HDHD2: variants seen among roughly 807,000 people sequenced by gnomAD.
The protein encoded by HDHD2 is haloacid dehalogenase-like hydrolase domain-containing protein 2.
Under a neutral mutation model 24.8 loss-of-function variants are expected in HDHD2, and 26 were observed. That is an observed-to-expected ratio of 1.05 (90% CI 0.77 to 1.45). The LOEUF (loss-of-function observed/expected upper bound fraction) is 1.45. HDHD2 is among the 40% of genes most tolerant of loss of function. The probability of loss-of-function intolerance (pLI) is 0.00; values close to 1 mark genes in which losing one functional copy is unlikely to be tolerated. For missense variants in HDHD2, 299 were observed against 313.4 expected (o/e 0.95, Z 0.35); for synonymous variants, 128 against 114.9 (o/e 1.11, Z -0.73).
At chr18:47,121,004 G>C (rs946500660) in intron 4 of HDHD2, among the ~76,000 whole-genome samples, 8 of 151,638 alleles carry the variant, frequency 5.3e-5, no homozygotes, top group Non-Finnish European at 1.2e-4. Context: ...ATATTGCCAA[G>C]AATTACCAAA....
rs1238435678 is a variant in HDHD2 at position 47,108,600 on chromosome 18, G to T, written c.*82C>A. 3 of 730,256 alleles carry T rather than the reference G, an allele frequency of 4.1e-6. No homozygotes were observed. Among genetic ancestry groups the T allele is most frequent in the African/African-American group, 3.6e-5 (2 of 56,176 alleles). The allele number at this position is 730,256 out of a possible 1,614,324, so 45.2% of individuals were successfully genotyped here. A position where few individuals can be genotyped will look rare whatever the true frequency, so the allele number is the denominator to read the frequency against. ...CGATCAGCACTGACTGGTGTCTACC[G>T]ATGCTGGCACTGAGTTGGTAAGGGA... On this transcript the variant is annotated 3_prime_UTR_variant, in exon 7 of 7. Coordinates refer to ENST00000300605, the MANE Select transcript of HDHD2 (RefSeq NM_032124.5).
At chr18:47,129,922 A>T (rs749425563) in intron 4 of HDHD2, among the ~76,000 whole-genome samples, 23 of 152,094 alleles carry the variant, frequency 1.5e-4, no homozygotes, top group Non-Finnish European at 2.9e-4. Context: ...AAAAATACAA[A>T]AACTGAGATA....
intron 1 of HDHD2, among the ~76,000 whole-genome samples, chr18:47,143,249 C>T (rs1261836508): frequency 6.6e-6 from 1 of 151,972 alleles, no homozygotes; most frequent in Non-Finnish European, 1.5e-5. Flanking sequence ...TCCAGGAGTT[C>T]GAGACCAGCC....
intron 6 of HDHD2, 164 bp from the exon 7 acceptor site, chr18:47,108,949 T>C (rs1182152361): frequency 1.8e-6 from 1 of 567,752 alleles, no homozygotes; most frequent in Non-Finnish European, 3.1e-6. Context: ...AGGATGTAAA[T>C]GAGGCAATTC....
intron 4 of HDHD2, among the ~76,000 whole-genome samples, chr18:47,124,994 T>C (rs1361212651): frequency 6.6e-6 from 1 of 151,806 alleles, no homozygotes; most frequent in African/African-American, 2.4e-5. Context: ...AAAACCCCAC[T>C]ACAAAAACGA....
At chr18:47,148,493 G>A (rs1432255254) in intron 1 of HDHD2, among the ~76,000 whole-genome samples, 1 of 152,188 alleles carries the variant, frequency 6.6e-6, no homozygotes, top group Non-Finnish European at 1.5e-5. Flanking sequence ...ACCACTGACA[G>A]TGGTACATAT....
At chr18:47,109,049 C>T in intron 6 of HDHD2, 1 of 428,662 alleles carries the variant, frequency 2.3e-6, no homozygotes. Context: ...AGCTAAGATT[C>T]CCTTCACATG....
At chr18:47,135,091 T>C (rs2063751621) in intron 2 of HDHD2, among the ~76,000 whole-genome samples, 1 of 152,008 alleles carries the variant, frequency 6.6e-6, no homozygotes. Flanking sequence ...AAAATGAACA[T>C]CATGACTCCT....
intron 1 of HDHD2, chr18:47,150,073 C>T (rs561052596): frequency 6.6e-6 from 1 of 152,528 alleles, no homozygotes; most frequent in Admixed American, 6.5e-5. Context: ...AGGAGGGACG[C>T]TAGCTCCAAA....
At chr18:47,126,757 T>C (rs868725399) in intron 4 of HDHD2, among the ~76,000 whole-genome samples, 1 of 152,000 alleles carries the variant, frequency 6.6e-6, no homozygotes, top group Non-Finnish European at 1.5e-5. Context: ...GTAGTTTTTT[T>C]CCCCAAAATT....
intron 4 of HDHD2, among the ~76,000 whole-genome samples, chr18:47,119,789 T>C (rs76420696): frequency 0.034 from 5,153 of 152,302 alleles, 221 homozygotes; most frequent in East Asian, 0.24. Flanking sequence ...CTATGGCAGC[T>C]ATGGCCTTAC....
intron 1 of HDHD2, among the ~76,000 whole-genome samples, chr18:47,146,879 A>T (rs1002467827): frequency 3.3e-4 from 50 of 152,246 alleles, no homozygotes; most frequent in Middle Eastern, 3.2e-3. Flanking sequence ...CAGGAAGCAG[A>T]TGCAAACCAA....
chr18:47,131,014 T>C (rs1369260584), intron 3 of HDHD2, among the ~76,000 whole-genome samples: 1 of 152,194 alleles, frequency 6.6e-6, no homozygotes, highest in African/African-American at 2.4e-5. Flanking sequence ...TTTGCTCTTG[T>C]TGCCCAGGCT....
chr18:47,143,345 A>G (rs1478119241), intron 1 of HDHD2, among the ~76,000 whole-genome samples: 2 of 152,220 alleles, frequency 1.3e-5, no homozygotes, highest in East Asian at 1.9e-4. Flanking sequence ...AGTCTCAGCT[A>G]CTGGGATTGC....
In HDHD2 at chr18:47,113,016, C is replaced by A. The variant is rs773954582; in HGVS notation, c.637G>T (p.Ala213Ser). The change falls in exon 6 of 7, where the codon GCT (alanine) becomes TCT (serine). Residue 213 changes from alanine to serine, a missense_variant. Ala to Ser is a moderately conservative substitution (Grantham distance 99). Transcript: ENST00000300605. ...GDDCRDDVGG[A>S]QDVGMLGILV... ...ATGCCCAGCATGCCGACATCTTGAG[C>A]CCCACCAACATCATCCCTGCAATCC... 1 of 1,614,048 alleles carries A rather than the reference C, an allele frequency of 6.2e-7. No homozygotes were observed. The highest frequency in any genetic ancestry group is 2.2e-5 in the East Asian group (1 of 44,888).
In HDHD2 at chr18:47,134,516, C is replaced by T. The variant is rs372084709; in HGVS notation, c.290G>A (p.Arg97Gln). Residue 97 changes from arginine to glutamine, a missense_variant, in exon 3 of 7, where the codon CGG becomes CAG. Coordinates refer to ENST00000300605, the MANE Select transcript of HDHD2 (RefSeq NM_032124.5). ...QVRPMLLVDD[R>Q]ALPDFKGIQT... ...CCTACCTTTGAAATCAGGTAGTGCC[C>T]GATCATCAACTAGCAGCATGGGTCT... The T allele has an allele frequency of 7.4e-6, 12 of 1,613,806 alleles. No individual in the cohort carries two copies. The highest frequency in any genetic ancestry group is 1.3e-5 in the African/African-American group (1 of 74,896).
chr18:47,121,708 T>C (rs2063608792), intron 4 of HDHD2, among the ~76,000 whole-genome samples: 1 of 152,172 alleles, frequency 6.6e-6, no homozygotes, highest in South Asian at 2.1e-4. Context: ...TTGCCCTATC[T>C]ATCCCCAACC....
intron 6 of HDHD2, among the ~76,000 whole-genome samples, chr18:47,112,379 G>A (rs995915762): frequency 4.6e-5 from 7 of 152,036 alleles, no homozygotes; most frequent in Admixed American, 4.6e-4. Flanking sequence ...ACCAGTCTAC[G>A]GTGGTCATAA....
intron 4 of HDHD2, among the ~76,000 whole-genome samples, chr18:47,125,180 A>C (rs1042544984): frequency 2.0e-5 from 3 of 152,150 alleles, no homozygotes; most frequent in Non-Finnish European, 4.4e-5. Context: ...ATAACAACAA[A>C]AAAAAACCAA....
Sources: allele counts gnomAD v4.1 joint callset (sites outside exome capture counted in the v4.1 genomes callset), GRCh38; gene constraint gnomAD v4.1.1; transcripts MANE v1.5; gene names NCBI Gene and HGNC (gene_info 2026-07-23, HGNC 2026-07-21).